The following CDC25C variants were observed in gnomAD, a reference collection of about 807,000 sequenced individuals.
CDC25C encodes the protein cell division cycle 25C, also known as M-phase inducer phosphatase 3.
In CDC25C, 48 loss-of-function variants were observed where a neutral mutation model predicts 52.5. The observed-to-expected ratio is 0.91, with a 90% CI of 0.72 to 1.16. CDC25C has a LOEUF of 1.16. Ranked by LOEUF, CDC25C falls within the 50% of genes most tolerant of loss-of-function variation. The probability of loss-of-function intolerance (pLI) is 0.00; values close to 1 mark genes in which losing one functional copy is unlikely to be tolerated. For synonymous variants in CDC25C, 187 were observed against 206.5 expected (o/e 0.91, Z 0.81); for missense variants, 510 against 566.1 (o/e 0.90, Z 1.01).
At chr5:138,295,938 C>T (rs1393332710) in intron 7 of CDC25C, among the ~76,000 whole-genome samples, 7 of 152,120 alleles carry the variant, frequency 4.6e-5, no homozygotes, top group Non-Finnish European at 8.8e-5. Context: ...CTAGATTCAA[C>T]CTGCAGATTC....
At chr5:138,324,058 C>T (rs891246209) in intron 6 of CDC25C, among the ~76,000 whole-genome samples, 2 of 151,322 alleles carry the variant, frequency 1.3e-5, no homozygotes, top group Non-Finnish European at 2.9e-5. Flanking sequence ...ATTGCCTGAG[C>T]TCAGAAGTTC....
At position 138,286,532 on chromosome 5, in the gene CDC25C, G is replaced by C; in HGVS notation, c.1125C>G (p.Phe375Leu). Residue 375 changes from phenylalanine to leucine, a missense_variant, in exon 12 of 14, where the codon TTC (phenylalanine) becomes TTG (leucine). Phe to Leu is a conservative substitution (Grantham distance 22, BLOSUM62 0). Transcript: ENST00000323760. The part of the protein sequence containing the change: ...LDTQKRIIIV[F>L]HCEFSSERGP... The stretch of plus-strand genomic sequence containing the variant: ...CCCTCTCTGAGGAGAATTCACAGTG[G>C]AACACGATGATTATTCTCTTCTGGG... The C allele has an allele frequency of 6.2e-7, 1 of 1,613,804 alleles. No homozygotes were observed. Among genetic ancestry groups the C allele is most frequent in the South Asian group, 1.1e-5 (1 of 91,040 alleles).
intron 2 of CDC25C, 150 bp from the exon 3 acceptor site, chr5:138,329,797 C>A: frequency 2.1e-6 from 1 of 486,860 alleles, no homozygotes; most frequent in African/African-American, 2.4e-5. Flanking sequence ...GTGGCACGAT[C>A]TTGGCTCACT....
chr5:138,290,494 G>T (rs1756615948), intron 9 of CDC25C, 145 bp downstream of exon 9: 2 of 610,976 alleles, frequency 3.3e-6, no homozygotes, highest in Non-Finnish European at 6.0e-6. Context: ...AAGGCTTAGG[G>T]CCTGGATCTA....
chr5:138,296,906 C>CTT (rs1300029259), intron 7 of CDC25C, among the ~76,000 whole-genome samples: 60 of 80,142 alleles, frequency 7.5e-4, no homozygotes, highest in African/African-American at 1.1e-3. Context: ...CGCCCGGCCA[C>CTT]TTTTTTTTTT....
chr5:138,312,023 T>C (rs1401881004), intron 7 of CDC25C, among the ~76,000 whole-genome samples: 2 of 152,194 alleles, frequency 1.3e-5, no homozygotes, highest in South Asian at 2.1e-4. Context: ...AGTCATCAGA[T>C]GGATAGTATC....
rs111426962 is a variant in CDC25C, at chr5:138,285,684, G to GA, written c.*7dup. 8.7e-5 allele frequency: 141 copies of GA among 1,613,320 alleles called. 1 individual carries two copies. The African/African-American group carries it at 1.3e-3, about 14-fold the overall frequency. On this transcript the variant is annotated 3_prime_UTR_variant, in exon 14 of 14. Transcript: ENST00000323760. ...GTGACTTGTTAGCAGCCAGTGGCTG[G>GA]AATGTTATCATGGGCTCATGTCCTT...
At chr5:138,322,115 C>G (rs1030477853) in intron 6 of CDC25C, among the ~76,000 whole-genome samples, 3 of 151,474 alleles carry the variant, frequency 2.0e-5, no homozygotes, top group Non-Finnish European at 4.4e-5. Context: ...CATTCTCCTA[C>G]TTCAGCCTCC....
At chr5:138,308,221 G>A (rs1758180005) in intron 7 of CDC25C, among the ~76,000 whole-genome samples, 1 of 152,070 alleles carries the variant, frequency 6.6e-6, no homozygotes, top group Non-Finnish European at 1.5e-5. Context: ...TTAAGTCCAT[G>A]CTTCTATACT....
chr5:138,287,999 T>C (rs777028437), intron 10 of CDC25C, among the ~76,000 whole-genome samples: 1 of 152,208 alleles, frequency 6.6e-6, no homozygotes, highest in Non-Finnish European at 1.5e-5. Context: ...AATGATAATA[T>C]AGATACCTTA....
chr5:138,286,353 C>A, intron 12 of CDC25C, 144 bp downstream of exon 12: 1 of 1,009,894 alleles, frequency 9.9e-7, no homozygotes, highest in Non-Finnish European at 1.5e-6. Flanking sequence ...TTGTTTCAAA[C>A]TTTTCAATTT....
In CDC25C at chr5:138,286,092, T is replaced by C; in HGVS notation, c.1202A>G (p.Tyr401Cys). 2 of 1,614,138 alleles carry C rather than the reference T, an allele frequency of 1.2e-6. No homozygotes were observed. The highest frequency in any genetic ancestry group is 1.7e-6 in the Non-Finnish European group (2 of 1,180,002). ...LREEDRSLNQ[Y>C]PALYYPELYI... The stretch of plus-strand genomic sequence containing the variant: ...TAGCTCTGGGTAGTACAATGCAGGA[T>C]ACTGGTTCAGAGACCTGTCCTCTTC... Residue 401 changes from tyrosine to cysteine, a missense_variant, in exon 13 of 14, where the codon TAT (tyrosine) becomes TGT (cysteine). Transcript: ENST00000323760.
intron 13 of CDC25C, 26 bp downstream of exon 13, chr5:138,285,996 G>C (rs768793864): frequency 2.5e-6 from 4 of 1,580,980 alleles, no homozygotes; most frequent in Non-Finnish European, 2.6e-6. Flanking sequence ...GTTAAAGTTT[G>C]GCTCCCCGCA....
At chr5:138,311,211 T>G (rs1758425520) in intron 7 of CDC25C, among the ~76,000 whole-genome samples, 1 of 152,290 alleles carries the variant, frequency 6.6e-6, no homozygotes. Context: ...AGAGCAAAGT[T>G]AAAGCCTTCT....
chr5:138,332,898 G>A (rs1444870587), upstream of CDC25C, among the ~76,000 whole-genome samples: 1 of 152,164 alleles, frequency 6.6e-6, no homozygotes, highest in Non-Finnish European at 1.5e-5. Flanking sequence ...CTGTGCTGGG[G>A]GAAGGTATTG....
In CDC25C at chr5:138,337,937, G is replaced by A. The variant is rs984578975; in HGVS notation, c.13+19C>T. 3 of 1,287,508 alleles carry A rather than the reference G, an allele frequency of 2.3e-6. No homozygotes were observed. In the Admixed American group the frequency reaches 7.0e-5, roughly 30 times the overall value. 79.8% of individuals were successfully genotyped at this position (1,287,508 alleles called of 1,614,324 possible). A position where few individuals can be genotyped will look rare whatever the true frequency, so the allele number is the denominator to read the frequency against. ...GGGCCGTTGGAGGGAGGGAGGGCAGGGGCGATGCCTTTGTTTACCTTCTTC... is the reference window on the plus strand; with the variant it reads ...GGGCCGTTGGAGGGAGGGAGGGCAGAGGCGATGCCTTTGTTTACCTTCTTC... On this transcript the variant is annotated intron_variant, in intron 1 of 5. Transcript: ENST00000510119.
chr5:138,331,345 T>C (rs1266627043), intron 1 of CDC25C, 127 bp from the exon 2 acceptor site: 1 of 731,842 alleles, frequency 1.4e-6, no homozygotes, highest in African/African-American at 1.8e-5. Context: ...ATTCACAGCC[T>C]GGCTTAAGGT....
At chr5:138,316,164 T>C (rs1758854635) in intron 7 of CDC25C, among the ~76,000 whole-genome samples, 1 of 152,064 alleles carries the variant, frequency 6.6e-6, no homozygotes, top group South Asian at 2.1e-4. Flanking sequence ...GACCTAATAG[T>C]CTCTGCAGCC....
At position 138,290,666 on chromosome 5, in the gene CDC25C, C is replaced by G. The variant is rs775523348; in HGVS notation, c.837G>C (p.Gln279His). ...TGGAAAAATCACCAATCAGGTGCCC[C>G]TGGTTAGAATCTTCCTCCAGCATCT... is the stretch of plus-strand genomic sequence containing the variant. ...ITQMLEEDSN[Q>H]GHLIGDFSKV... The change falls in exon 9 of 14, where the codon CAG becomes CAC. Residue 279 changes from glutamine (Q) to histidine (H), a missense_variant. Transcript: ENST00000323760. 5.0e-6 allele frequency: 8 copies of G among 1,610,304 alleles called. 1 individual carries two copies. The highest frequency in any genetic ancestry group is 3.3e-4 in the Middle Eastern group (2 of 6,054).
Sources: gnomAD v4.1 joint callset for allele counts (sites outside exome capture counted in the v4.1 genomes callset) on GRCh38, gnomAD v4.1.1 for gene constraint, MANE v1.5 for transcripts, NCBI Gene and HGNC (gene_info 2026-07-23, HGNC 2026-07-21) for gene names.